CFI: variants seen among roughly 807,000 people sequenced by gnomAD.
The protein encoded by CFI is C3B/C4B inactivator.
A neutral mutation model predicts 78.8 loss-of-function variants in CFI; 66 were observed. The observed-to-expected ratio is 0.84, with a 90% CI of 0.69 to 1.03. CFI has a LOEUF of 1.03. CFI is among the 50% of genes least tolerant of loss of function. The pLI is 0.00. For missense variants in CFI, 706 were observed against 704.5 expected (o/e 1.00, Z -0.02); for synonymous variants, 250 against 232.6 (o/e 1.07, Z -0.68).
At chr4:109,757,329 C>T (rs907860019) in intron 7 of CFI, among the ~76,000 whole-genome samples, 1 of 152,044 alleles carries the variant, frequency 6.6e-6, no homozygotes, top group Non-Finnish European at 1.5e-5. Flanking sequence ...CCACCGCGCC[C>T]GGCAGTTTAC....
At position 109,750,384 on chromosome 4, in the gene CFI, A is replaced by G. The variant is rs114489608; in HGVS notation, c.941-782T>C. ...GTGATACTCTTATTAAGTACTTTCT[A>G]TATGTCAGGCCCCATACTGAGTCTT... On this transcript the variant is annotated intron_variant, in intron 8 of 12. Transcript: ENST00000394634. Among the ~76,000 whole-genome samples the G allele has an allele frequency of 7.4e-3, 1,120 of 152,252 alleles. 10 individuals carry two copies. Among genetic ancestry groups the G allele is most frequent in the African/African-American group, 0.026 (1,065 of 41,532 alleles).
intron 8 of CFI, 127 bp downstream of exon 8, chr4:109,752,341 T>C: frequency 1.3e-6 from 1 of 795,678 alleles, no homozygotes; most frequent in Non-Finnish European, 2.1e-6. Flanking sequence ...ATAATAATGT[T>C]ATATTTTTTA....
Position 109,755,598 on chromosome 4 carries a change from A to C in CFI, c.904+2165T>G, listed in dbSNP as rs987387868. Among the ~76,000 whole-genome samples, 4 of 151,488 alleles carry C rather than the reference A, an allele frequency of 2.6e-5. No individual in the cohort carries two copies. In the South Asian group the frequency reaches 8.4e-4, roughly 32 times the overall value. ...TTGTTATATACAAAAGTGAGTTCGG[A>C]CTCCTCTTGTTCCGTTGCTCTCTTG... On this transcript the variant is annotated intron_variant, in intron 7 of 12. Coordinates refer to ENST00000394634, the MANE Select transcript of CFI (RefSeq NM_000204.5).
At chr4:109,767,212 T>G (rs1727883486) in intron 1 of CFI, among the ~76,000 whole-genome samples, 1 of 152,248 alleles carries the variant, frequency 6.6e-6, no homozygotes, top group South Asian at 2.1e-4. Flanking sequence ...ATTCAGGACA[T>G]AGGCATGGGC....
chr4:109,777,493 A>T (rs1308006844), intron 1 of CFI, among the ~76,000 whole-genome samples: 1 of 152,136 alleles, frequency 6.6e-6, no homozygotes, highest in Non-Finnish European at 1.5e-5. Flanking sequence ...AAGTCCTTAG[A>T]GACCTACAAA....
At chr4:109,784,826 G>A (rs959840513) in intron 1 of CFI, among the ~76,000 whole-genome samples, 1 of 151,998 alleles carries the variant, frequency 6.6e-6, no homozygotes, top group African/African-American at 2.4e-5. Context: ...TCAGGCCTCT[G>A]AGCCCAAGCT....
intron 1 of CFI, among the ~76,000 whole-genome samples, chr4:109,787,103 T>C (rs1040973790): frequency 6.6e-6 from 1 of 152,092 alleles, no homozygotes; most frequent in African/African-American, 2.4e-5. Flanking sequence ...ACCTACAGAC[T>C]TGTATACCTA....
chr4:109,744,519 G>C (rs1724181009), intron 11 of CFI, among the ~76,000 whole-genome samples: 1 of 152,158 alleles, frequency 6.6e-6, no homozygotes, highest in African/African-American at 2.4e-5. Context: ...AGGCTAGTGA[G>C]ATTGGGACTG....
At chr4:109,791,687 T>C (rs1485099795) in intron 1 of CFI, among the ~76,000 whole-genome samples, 1 of 152,216 alleles carries the variant, frequency 6.6e-6, no homozygotes, top group African/African-American at 2.4e-5. Context: ...GCATCATTTA[T>C]TGAATAGGGA....
At chr4:109,772,378 C>T (rs754991058) in intron 1 of CFI, among the ~76,000 whole-genome samples, 10 of 152,142 alleles carry the variant, frequency 6.6e-5, no homozygotes, top group Non-Finnish European at 1.3e-4. Flanking sequence ...AAAATATAAA[C>T]GATGTGAGTA....
intron 7 of CFI, among the ~76,000 whole-genome samples, chr4:109,753,419 A>T (rs866245772): frequency 3.5e-5 from 3 of 85,568 alleles, no homozygotes; most frequent in African/African-American, 1.5e-4. Flanking sequence ...TATATAAATA[A>T]ATATTTATAA....
chr4:109,756,888 G>GAAAAGAAA (rs1726239051), intron 7 of CFI, among the ~76,000 whole-genome samples: 1 of 57,836 alleles, frequency 1.7e-5, no homozygotes, highest in African/African-American at 7.5e-5. Context: ...AAGAAAGAAA[G>GAAAAGAAA]GAAAGAAAGA....
chr4:109,800,571 T>C (rs1365431263), intron 1 of CFI, among the ~76,000 whole-genome samples: 1 of 152,026 alleles, frequency 6.6e-6, no homozygotes, highest in Non-Finnish European at 1.5e-5. Context: ...CACTGTGCTA[T>C]GGGTTTCTTT....
In CFI at chr4:109,766,797, C is replaced by A; in HGVS notation, c.85G>T (p.Val29Leu). Residue 29 changes from valine to leucine, a missense_variant, in exon 2 of 13, where the codon GTG becomes TTG. Transcript: ENST00000394634. ...TTTTTTGCTAAGCACTTTTTCTCCACCAGATCCTCTTGAGATGTATAAGTG... is the reference window on the plus strand; with the variant it reads ...TTTTTTGCTAAGCACTTTTTCTCCAACAGATCCTCTTGAGATGTATAAGTG... ...KVTYTSQEDL[V>L]EKKCLAKKYT... The A allele has an allele frequency of 6.2e-7, 1 of 1,614,102 alleles. No homozygotes were observed. The highest frequency in any genetic ancestry group is 2.2e-5 in the East Asian group (1 of 44,872).
At chr4:109,782,346 G>A (rs1367417356) in intron 1 of CFI, among the ~76,000 whole-genome samples, 1 of 149,926 alleles carries the variant, frequency 6.7e-6, no homozygotes, top group Non-Finnish European at 1.5e-5. Flanking sequence ...CAAGATTAAT[G>A]TACACAAATC....
intron 7 of CFI, among the ~76,000 whole-genome samples, chr4:109,754,434 CTT>C (rs60975227): frequency 7.4e-6 from 1 of 134,738 alleles, no homozygotes; most frequent in Non-Finnish European, 1.6e-5. Context: ...AAAGAATCTT[CTT>C]TTTTTTTTTT....
rs769236147 is a variant in CFI, at chr4:109,801,941, G to A, written c.31C>T (p.Leu11=). The change falls in exon 1 of 13, where the codon CTG becomes TTG. Residue 11 remains leucine, a synonymous_variant. Transcript: ENST00000394634. MKLLHVFLLF[L]CFHLRFCKVT... ...TTGCAAAACCTTAAGTGGAAGCACAGAAATAACAGGAAAACATGAAGAAGC... is the reference window on the plus strand; with the variant it reads ...TTGCAAAACCTTAAGTGGAAGCACAAAAATAACAGGAAAACATGAAGAAGC... The A allele has an allele frequency of 6.8e-6, 11 of 1,612,468 alleles. No individual in the cohort carries two copies. Among genetic ancestry groups the A allele is most frequent in the Non-Finnish European group, 9.3e-6 (11 of 1,178,942 alleles).
chr4:109,742,018 C>G (rs1723862798), intron 12 of CFI: 1 of 159,650 alleles, frequency 6.3e-6, no homozygotes, highest in Non-Finnish European at 1.4e-5. Flanking sequence ...GGAAGTAAAT[C>G]TCATCTCATT....
chr4:109,795,279 G>A (rs1419202684), intron 1 of CFI, among the ~76,000 whole-genome samples: 1 of 152,062 alleles, frequency 6.6e-6, no homozygotes, highest in Non-Finnish European at 1.5e-5. Context: ...CAGGCACCAG[G>A]CCCACCCACA....
Sources: gnomAD v4.1 joint callset for allele counts (sites outside exome capture counted in the v4.1 genomes callset) on GRCh38, gnomAD v4.1.1 for gene constraint, MANE v1.5 for transcripts, NCBI Gene and HGNC (gene_info 2026-07-23, HGNC 2026-07-21) for gene names.